VAC14: variants seen among roughly 807,000 people sequenced by gnomAD.
VAC14 encodes the protein protein VAC14 homolog.
Under a neutral mutation model 85.3 loss-of-function variants are expected in VAC14, and 47 were observed. That is an observed-to-expected ratio of 0.55 (90% CI 0.44 to 0.70). The LOEUF (loss-of-function observed/expected upper bound fraction) is 0.70. Ranked by LOEUF, VAC14 falls within the 30% of genes least tolerant of loss-of-function variation. The pLI is 0.00. For synonymous variants in VAC14, 447 were observed against 430.5 expected, an observed-to-expected ratio of 1.04 and a Z score of -0.47; for missense variants, 861 against 1,004.3, an observed-to-expected ratio of 0.86 and a Z score of 1.93.
chr16:70,745,885 G>A (rs1261358258), intron 12 of VAC14, among the ~76,000 whole-genome samples: 1 of 152,230 alleles, frequency 6.6e-6, no homozygotes, highest in East Asian at 1.9e-4. Context: ...GGCCATGTGG[G>A]CCAGGACCGG....
At chr16:70,736,131 C>T (rs1244809088) in intron 13 of VAC14, among the ~76,000 whole-genome samples, 3 of 152,136 alleles carry the variant, frequency 2.0e-5, no homozygotes, top group Admixed American at 6.5e-5. Flanking sequence ...GGTGCGGGGC[C>T]GTTCCAGCCT....
At chr16:70,733,413 G>T (rs60770542) in intron 13 of VAC14, among the ~76,000 whole-genome samples, 2,311 of 151,036 alleles carry the variant, frequency 0.015, 64 homozygotes, top group African/African-American at 0.054. Context: ...CCATTCTGTT[G>T]ATTTTTTTTT....
intron 14 of VAC14, among the ~76,000 whole-genome samples, chr16:70,728,429 C>T (rs78460206): frequency 8.5e-5 from 13 of 152,316 alleles, no homozygotes; most frequent in Admixed American, 2.6e-4. Flanking sequence ...CCAGTGGGCA[C>T]GTTACTTCCT....
At chr16:70,717,278 T>G (rs557499756) in intron 14 of VAC14, among the ~76,000 whole-genome samples, 1 of 152,346 alleles carries the variant, frequency 6.6e-6, no homozygotes, top group South Asian at 2.1e-4. Flanking sequence ...GCGAGCCACC[T>G]GGCCACAAAG....
intron 1 of VAC14, 33 bp from the exon 2 acceptor site, chr16:70,786,398 C>G: frequency 6.2e-7 from 1 of 1,604,726 alleles, no homozygotes; most frequent in Non-Finnish European, 8.5e-7. Context: ...CTGTGGGAAT[C>G]AGGCTACCTC....
intron 13 of VAC14, among the ~76,000 whole-genome samples, chr16:70,739,217 G>A (rs765652951): frequency 3.3e-4 from 51 of 152,310 alleles, no homozygotes; most frequent in Middle Eastern, 6.8e-3. Context: ...CGGGATGGAT[G>A]GGCAAAGCAG....
intron 3 of VAC14, 58 bp from the exon 4 acceptor site, chr16:70,784,896 G>GA: frequency 6.7e-7 from 1 of 1,499,776 alleles, no homozygotes; most frequent in Non-Finnish European, 9.3e-7. Flanking sequence ...TTGGATGCAA[G>GA]ACCAGGGATT....
chr16:70,793,799 C>T (rs964944769), intron 1 of VAC14, among the ~76,000 whole-genome samples: 2 of 152,204 alleles, frequency 1.3e-5, no homozygotes, highest in Non-Finnish European at 2.9e-5. Context: ...ACTGCACATG[C>T]TCAAATAACA....
chr16:70,800,664 TC>T (rs2034751239), intron 1 of VAC14, 132 bp downstream of exon 1: 1 of 691,850 alleles, frequency 1.4e-6, no homozygotes. Context: ...CCCAATCTGC[TC>T]TTAAACACTG....
At chr16:70,703,117 A>G (rs961990559) in intron 14 of VAC14, among the ~76,000 whole-genome samples, 2 of 152,220 alleles carry the variant, frequency 1.3e-5, no homozygotes, top group Non-Finnish European at 2.9e-5. Flanking sequence ...GGCCTGGCAG[A>G]TGGCTGCCTT....
chr16:70,736,749 C>G lies in VAC14; in HGVS notation c.1529-5122G>C, dbSNP rs376655491. Among the ~76,000 whole-genome samples the G allele has an allele frequency of 3.1e-4, 47 of 152,312 alleles. No homozygotes were observed. In the South Asian group the frequency reaches 9.5e-3, roughly 31 times the overall value. On this transcript the variant is annotated intron_variant, in intron 13 of 18. Coordinates refer to ENST00000261776, the MANE Select transcript of VAC14 (RefSeq NM_018052.5). ...ACATCCTCAGCTGAGTGCAGCTCAG[C>G]CCTCACAGTGCTCCCAAGGCTTAAA...
chr16:70,760,903 G>A (rs909712978), intron 12 of VAC14, among the ~76,000 whole-genome samples: 2 of 150,770 alleles, frequency 1.3e-5, no homozygotes, highest in Non-Finnish European at 2.9e-5. Context: ...CAACTCGCAG[G>A]CAGAACGGGG....
intron 14 of VAC14, among the ~76,000 whole-genome samples, chr16:70,708,654 C>T (rs745678523): frequency 6.6e-6 from 1 of 152,120 alleles, no homozygotes; most frequent in Non-Finnish European, 1.5e-5. Flanking sequence ...GGTCAGATGG[C>T]GAGGGCTGGG....
intron 18 of VAC14, chr16:70,691,559 C>T (rs1230339890): frequency 1.0e-6 from 1 of 985,502 alleles, no homozygotes; most frequent in South Asian, 4.7e-5. Flanking sequence ...CCTGGGGACA[C>T]TGCATCAGGT....
At chr16:70,732,357 G>C (rs1450023750) in intron 13 of VAC14, among the ~76,000 whole-genome samples, 1 of 152,182 alleles carries the variant, frequency 6.6e-6, no homozygotes, top group Non-Finnish European at 1.5e-5. Flanking sequence ...CTAACCAGGA[G>C]CACAAATGTC....
chr16:70,716,743 A>T (rs1392538086), intron 14 of VAC14: 2 of 152,262 alleles, frequency 1.3e-5, no homozygotes, highest in Non-Finnish European at 2.9e-5. Context: ...CACGCGACAA[A>T]GGGTAGAAGA....
chr16:70,776,264 C>A (rs2033512893), intron 9 of VAC14, among the ~76,000 whole-genome samples: 1 of 152,118 alleles, frequency 6.6e-6, no homozygotes, highest in Admixed American at 6.5e-5. Context: ...CCTCGCCCAG[C>A]TAATTTTTTA....
At chr16:70,706,537 A>C (rs1197087280) in intron 14 of VAC14, among the ~76,000 whole-genome samples, 1 of 152,108 alleles carries the variant, frequency 6.6e-6, no homozygotes, top group Non-Finnish European at 1.5e-5. Context: ...TTTGAGACGG[A>C]ATCTTGCTCT....
At position 70,731,613 on chromosome 16, in the gene VAC14, C is replaced by T. The variant is rs1249275309; in HGVS notation, c.1543G>A (p.Glu515Lys). Residue 515 changes from glutamate (E) to lysine (K), a missense_variant, in exon 14 of 19, where the codon GAA becomes AAA. By Grantham distance (56) the Glu-to-Lys change is moderately conservative. Transcript: ENST00000261776. ...LLNTSGTKGL[E>K]CSPSTPTMNS... Reference sequence around the variant, plus strand: ...ATGGTGGGAGTTGAAGGAGAACATTCTAAGCCTTTGGTACCTGTAGAGAAA... The same window carrying T: ...ATGGTGGGAGTTGAAGGAGAACATTTTAAGCCTTTGGTACCTGTAGAGAAA... 2.5e-6 allele frequency: 4 copies of T among 1,614,032 alleles called. No homozygotes were observed. In the East Asian group the frequency reaches 6.7e-5, roughly 27 times the overall value.
Sources: allele counts gnomAD v4.1 joint callset (sites outside exome capture counted in the v4.1 genomes callset), GRCh38; gene constraint gnomAD v4.1.1; transcripts MANE v1.5; gene names NCBI Gene and HGNC (gene_info 2026-07-23, HGNC 2026-07-21).